Variants in LRRC7 observed in about 807,000 individuals in gnomAD.
The protein encoded by LRRC7 is leucine-rich repeat-containing protein 7.
LRRC7 carries 23 observed loss-of-function variants against 175.7 expected under a neutral mutation model. The ratio of observed to expected loss-of-function variants is 0.13; its 90% CI spans 0.09 to 0.19. LRRC7 has a LOEUF of 0.19. LRRC7 is among the 10% of genes least tolerant of loss of function. The pLI is 1.00. For synonymous variants in LRRC7, 685 were observed against 680.9 expected (o/e 1.01, Z -0.09); for missense variants, 1,354 against 1,904.7 (o/e 0.71, Z 5.38).
intron 26 of LRRC7, among the ~76,000 whole-genome samples, chr1:70,114,117 G>A (rs573039148): frequency 3.3e-5 from 5 of 151,848 alleles, no homozygotes; most frequent in African/African-American, 7.3e-5. Context: ...TGAAGTGTTG[G>A]ACCCTTAAAA....
chr1:70,082,461 C>A (rs1387166721), intron 24 of LRRC7, among the ~76,000 whole-genome samples: 1 of 152,106 alleles, frequency 6.6e-6, no homozygotes. Flanking sequence ...TAGTTTGACA[C>A]AGAGAATGTG....
chr1:69,587,580 T>C (rs1176089568), intron 1 of LRRC7, among the ~76,000 whole-genome samples: 1 of 152,192 alleles, frequency 6.6e-6, no homozygotes, highest in East Asian at 1.9e-4. Flanking sequence ...GGTTTGGCTC[T>C]GTGTCCCCGA....
intron 23 of LRRC7, among the ~76,000 whole-genome samples, chr1:70,053,556 T>C (rs1199971878): frequency 6.6e-6 from 1 of 152,218 alleles, no homozygotes; most frequent in African/African-American, 2.4e-5. Flanking sequence ...TGAACAACTA[T>C]ATGTACATTG....
rs543773608 is a variant in LRRC7 at position 69,927,784 on chromosome 1, A to T, written c.648-3723A>T. Among the ~76,000 whole-genome samples the T allele has an allele frequency of 1.7e-3, 264 of 152,136 alleles. 3 individuals carry two copies. Among genetic ancestry groups the T allele is most frequent in the Admixed American group, 4.6e-3 (70 of 15,282 alleles). ...TCCTGTCGTTCGGAGTAGTTTGATC[A>T]TCTGAAGCCTTCTTCTCTCAACTCA... On this transcript the variant is annotated intron_variant, in intron 7 of 26. Coordinates refer to ENST00000651989, the MANE Select transcript of LRRC7 (RefSeq NM_001370785.2).
chr1:69,872,080 G>A (rs1685607757), intron 7 of LRRC7, among the ~76,000 whole-genome samples: 1 of 151,834 alleles, frequency 6.6e-6, no homozygotes. Flanking sequence ...CTCTTTAGAT[G>A]GATCAAAAAG....
chr1:70,044,101 A>T lies in LRRC7; in HGVS notation c.4110+7A>T. On this transcript the variant is annotated splice_region_variant and intron_variant, in intron 22 of 26. Coordinates refer to ENST00000651989, the MANE Select transcript of LRRC7 (RefSeq NM_001370785.2). ...AGAACTACCTCTTCAGAAAGTAAGT[A>T]TGGACTGCCCTACATGTGTCAGCAT... 3 of 1,612,090 alleles carry T rather than the reference A, an allele frequency of 1.9e-6. No homozygotes were observed. The highest frequency in any genetic ancestry group is 2.5e-6 in the Non-Finnish European group (3 of 1,178,972).
At chr1:69,860,242 A>G (rs557854809) in intron 7 of LRRC7, among the ~76,000 whole-genome samples, 1 of 151,944 alleles carries the variant, frequency 6.6e-6, no homozygotes, top group East Asian at 1.9e-4. Flanking sequence ...TGTTGCTTGG[A>G]GAATCTCTTC....
intron 11 of LRRC7, among the ~76,000 whole-genome samples, chr1:70,010,999 C>A (rs1656453346): frequency 6.6e-6 from 1 of 152,280 alleles, no homozygotes; most frequent in South Asian, 2.1e-4. Flanking sequence ...AGAATACAGA[C>A]CCCGTATTGA....
At chr1:69,934,903 G>A (rs1054371466) in intron 8 of LRRC7, among the ~76,000 whole-genome samples, 3 of 152,118 alleles carry the variant, frequency 2.0e-5, no homozygotes, top group Non-Finnish European at 4.4e-5. Context: ...AAAGAGGGCT[G>A]TTCTATAAAG....
At chr1:69,973,522 T>A (rs1409004406) in intron 8 of LRRC7, among the ~76,000 whole-genome samples, 1 of 152,210 alleles carries the variant, frequency 6.6e-6, no homozygotes, top group Non-Finnish European at 1.5e-5. Context: ...TATTGGAATT[T>A]GTTGCAGTCA....
chr1:69,716,130 T>G (rs1007302527), intron 2 of LRRC7: 40 of 421,186 alleles, frequency 9.5e-5, no homozygotes, highest in African/African-American at 7.6e-4. Context: ...TAAATTTTCT[T>G]TTTTTTTAAA....
chr1:69,898,394 A>G (rs1243959511), intron 7 of LRRC7, among the ~76,000 whole-genome samples: 2 of 152,234 alleles, frequency 1.3e-5, no homozygotes, highest in South Asian at 2.1e-4. Flanking sequence ...ATATTGTTCG[A>G]TTGGATTCAT....
At chr1:70,025,110 A>G (rs1223431562) in intron 17 of LRRC7, among the ~76,000 whole-genome samples, 1 of 152,062 alleles carries the variant, frequency 6.6e-6, no homozygotes, top group East Asian at 1.9e-4. Context: ...TCTACTAGCT[A>G]TGTAATCTTA....
chr1:70,110,752 A>T (rs1171075912), intron 26 of LRRC7, among the ~76,000 whole-genome samples: 1 of 152,198 alleles, frequency 6.6e-6, no homozygotes, highest in African/African-American at 2.4e-5. Context: ...CAAATAAATT[A>T]TGTATTTACA....
At chr1:69,641,915 A>G (rs1445133594) in intron 1 of LRRC7, among the ~76,000 whole-genome samples, 2 of 151,832 alleles carry the variant, frequency 1.3e-5, no homozygotes, top group Non-Finnish European at 3.0e-5. Context: ...ACCTCGTTTT[A>G]ATAATAGTAA....
intron 2 of LRRC7, among the ~76,000 whole-genome samples, chr1:69,746,982 A>C (rs1439556722): frequency 3.9e-5 from 6 of 152,106 alleles, no homozygotes; most frequent in Non-Finnish European, 8.8e-5. Flanking sequence ...TGGCTTCTAG[A>C]TAGCCATTTT....
At chr1:69,904,690 G>A (rs989997276) in intron 7 of LRRC7, among the ~76,000 whole-genome samples, 1 of 151,596 alleles carries the variant, frequency 6.6e-6, no homozygotes, top group African/African-American at 2.4e-5. Flanking sequence ...ATTTATTTTA[G>A]GTTCAGGGGT....
rs3069189 is a variant in LRRC7, at chr1:69,978,932, G to GAAA, written c.712-1430_712-1428dup. Among the ~76,000 whole-genome samples the GAAA allele has an allele frequency of 2.3e-4, 29 of 126,130 alleles. 1 individual carries two copies. The highest frequency in any genetic ancestry group is 3.5e-4 in the African/African-American group (12 of 34,046). 82.7% of individuals were successfully genotyped at this position (126,130 alleles called of 152,430 possible). On this transcript the variant is annotated intron_variant, in intron 8 of 26. Transcript: ENST00000651989. ...CAGTAAGTAATAATTGTTTCAGTTA[G>GAAA]AAAAAAAAAAAAAAAAAAACAGAAA... is the stretch of plus-strand genomic sequence containing the variant.
intron 1 of LRRC7, among the ~76,000 whole-genome samples, chr1:69,637,467 A>G (rs74598314): frequency 0.013 from 1,911 of 152,046 alleles, 23 homozygotes; most frequent in Non-Finnish European, 0.019. Flanking sequence ...CTGATCTCTT[A>G]TCACATCCCA....
Sources: allele counts gnomAD v4.1 joint callset (sites outside exome capture counted in the v4.1 genomes callset), GRCh38; gene constraint gnomAD v4.1.1; transcripts MANE v1.5; gene names NCBI Gene and HGNC (gene_info 2026-07-23, HGNC 2026-07-21).